The following XPO6 variants were observed in gnomAD, a reference collection of about 807,000 sequenced individuals.
XPO6 encodes exportin-6.
Under a neutral mutation model 130.0 loss-of-function variants are expected in XPO6, and 3 were observed. That is an observed-to-expected ratio of 0.02 (90% CI 0.01 to 0.06). The LOEUF is 0.06. Among genes scored for constraint, XPO6 ranks in the 10% least tolerant of loss-of-function variants. The pLI is 1.00. For synonymous variants in XPO6, 524 were observed against 548.9 expected, an observed-to-expected ratio of 0.95 and a Z score of 0.63; for missense variants, 970 against 1,393.0, an observed-to-expected ratio of 0.70 and a Z score of 4.83.
At chr16:28,102,309 T>TC (rs1281096026) in intron 21 of XPO6, among the ~76,000 whole-genome samples, 15 of 152,094 alleles carry the variant, frequency 9.9e-5, no homozygotes, top group Non-Finnish European at 1.8e-4. Flanking sequence ...TCCCTTGCCC[T>TC]CCTTCTTGCA....
At chr16:28,102,607 G>A (rs1273171144) in intron 21 of XPO6, among the ~76,000 whole-genome samples, 2 of 152,006 alleles carry the variant, frequency 1.3e-5, no homozygotes, top group East Asian at 1.9e-4. Context: ...GCGTGGTGGC[G>A]GACGCCTGTA....
At chr16:28,129,245 A>T (rs1476440988) in intron 12 of XPO6, among the ~76,000 whole-genome samples, 1 of 152,128 alleles carries the variant, frequency 6.6e-6, no homozygotes, top group Non-Finnish European at 1.5e-5. Context: ...ACCCCAAATC[A>T]AATTCTCTAC....
At chr16:28,199,447 G>C (rs1196753745) in intron 1 of XPO6, among the ~76,000 whole-genome samples, 1 of 151,714 alleles carries the variant, frequency 6.6e-6, no homozygotes, top group African/African-American at 2.4e-5. Flanking sequence ...GCTAATTTTT[G>C]TATTTTTTTA....
chr16:28,159,309 C>T (rs945797719), intron 6 of XPO6, among the ~76,000 whole-genome samples: 1 of 151,894 alleles, frequency 6.6e-6, no homozygotes, highest in Non-Finnish European at 1.5e-5. Context: ...GACTCTACAA[C>T]ATGAAAGGGT....
chr16:28,102,178 A>G (rs973054517), intron 21 of XPO6, among the ~76,000 whole-genome samples: 4 of 151,982 alleles, frequency 2.6e-5, no homozygotes, highest in Admixed American at 2.0e-4. Flanking sequence ...ACCTCTAGAA[A>G]CCCATCACAG....
intron 1 of XPO6, among the ~76,000 whole-genome samples, chr16:28,211,161 C>A (rs900928769): frequency 5.3e-5 from 8 of 152,202 alleles, no homozygotes; most frequent in Admixed American, 5.2e-4. Flanking sequence ...GCTCCCAGGG[C>A]CCTCCCAGGC....
rs1424668489 is a variant in XPO6 at position 28,098,373 on chromosome 16, T to A, written c.*165A>T. 1.6e-6 allele frequency: 1 copy of A among 615,302 alleles called. No homozygotes were observed. Among genetic ancestry groups the A allele is most frequent in the African/African-American group, 1.8e-5 (1 of 54,316 alleles). 38.1% of individuals were successfully genotyped at this position (615,302 alleles called of 1,614,324 possible). A position where few individuals can be genotyped will look rare whatever the true frequency, so the allele number is the denominator to read the frequency against. On this transcript the variant is annotated 3_prime_UTR_variant, in exon 24 of 24. Transcript: ENST00000304658. Reference sequence around the variant, plus strand: ...AGGTGGACCCAGAAGCCAGCTCTGCTGGGCAGCGGCAAGATGTGGAGGAGC... The same window carrying A: ...AGGTGGACCCAGAAGCCAGCTCTGCAGGGCAGCGGCAAGATGTGGAGGAGC...
At chr16:28,205,946 G>A (rs1194336264) in intron 1 of XPO6, among the ~76,000 whole-genome samples, 3 of 150,226 alleles carry the variant, frequency 2.0e-5, no homozygotes, top group South Asian at 4.2e-4. Context: ...GCTGAGGCAG[G>A]AGAATCGCTT....
intron 6 of XPO6, among the ~76,000 whole-genome samples, chr16:28,160,686 C>CT (rs1180500744): frequency 6.6e-6 from 1 of 151,892 alleles, no homozygotes; most frequent in African/African-American, 2.4e-5. Context: ...TTATTTTGTA[C>CT]TTTACAGCAC....
intron 6 of XPO6, among the ~76,000 whole-genome samples, chr16:28,157,718 T>G (rs191871122): frequency 6.6e-6 from 1 of 152,216 alleles, no homozygotes; most frequent in East Asian, 1.9e-4. Context: ...TCATTAGTAA[T>G]CAGAAAAAGC....
At chr16:28,103,997 T>G (rs1038528901) in intron 21 of XPO6, among the ~76,000 whole-genome samples, 1 of 152,220 alleles carries the variant, frequency 6.6e-6, no homozygotes, top group Non-Finnish European at 1.5e-5. Flanking sequence ...CAGAGCAGGC[T>G]GGCTGTCTGG....
intron 12 of XPO6, among the ~76,000 whole-genome samples, chr16:28,129,746 G>A (rs1302117044): frequency 6.6e-6 from 1 of 152,168 alleles, no homozygotes; most frequent in Admixed American, 6.5e-5. Context: ...AACAATTTAA[G>A]TCTAAAAATC....
intron 2 of XPO6, among the ~76,000 whole-genome samples, chr16:28,180,154 G>A (rs1201796514): frequency 6.6e-6 from 1 of 152,068 alleles, no homozygotes; most frequent in Admixed American, 6.6e-5. Context: ...ATCTCTTGAG[G>A]TCAGTTCAAG....
chr16:28,185,352 C>T (rs1353849312), intron 1 of XPO6, among the ~76,000 whole-genome samples: 1 of 151,926 alleles, frequency 6.6e-6, no homozygotes, highest in Admixed American at 6.6e-5. Flanking sequence ...AGAGCAAGAC[C>T]TTGCCTCTTA....
At position 28,135,273 on chromosome 16, in the gene XPO6, C is replaced by A. The variant is rs1253436155; in HGVS notation, c.1386G>T (p.Gln462His). ...CCAGCTGGGCTTGGTTGTATCTGAA[C>A]TGGATTCGATTCAACACCTCTGTGA... The part of the protein sequence containing the change: ...LLLTEVLNRI[Q>H]FRYNQAQLEE... Residue 462 changes from glutamine to histidine, a missense_variant, in exon 10 of 24, where the codon CAG becomes CAT. Gln to His is a conservative substitution (Grantham distance 24, BLOSUM62 0). Around this residue, in one of 4 missense-constraint regions of XPO6, gnomAD observed 936 missense variants for 1,306.8 expected, o/e 0.72. Transcript: ENST00000304658. 1.2e-6 allele frequency: 2 copies of A among 1,613,984 alleles called. No individual in the cohort carries two copies. The highest frequency in any genetic ancestry group is 2.2e-5 in the East Asian group (1 of 44,892).
At chr16:28,155,816 G>C (rs2043175095) in intron 7 of XPO6, 6 of 816,114 alleles carry the variant, frequency 7.4e-6, no homozygotes, top group Non-Finnish European at 8.4e-6. Context: ...GAGTAGAAGG[G>C]AGGACAGGAG....
intron 1 of XPO6, among the ~76,000 whole-genome samples, chr16:28,200,124 C>T (rs1301664598): frequency 6.6e-6 from 1 of 151,400 alleles, no homozygotes. Context: ...CACTACACCC[C>T]AGCCTGGGCG....
At chr16:28,146,999 A>T (rs1449858645) in intron 8 of XPO6, among the ~76,000 whole-genome samples, 1 of 152,200 alleles carries the variant, frequency 6.6e-6, no homozygotes, top group African/African-American at 2.4e-5. Flanking sequence ...TGTGGCTCCA[A>T]ACCCTGATAT....
intron 6 of XPO6, among the ~76,000 whole-genome samples, chr16:28,157,084 A>G (rs2043195636): frequency 6.6e-6 from 1 of 152,214 alleles, no homozygotes; most frequent in South Asian, 2.1e-4. Context: ...TTTGAAATAT[A>G]AGAGAGAAAA....
Sources: allele counts gnomAD v4.1 joint callset (sites outside exome capture counted in the v4.1 genomes callset), GRCh38; gene constraint gnomAD v4.1.1; regional missense constraint gnomAD v4.1.1; transcripts MANE v1.5; gene names NCBI Gene and HGNC (gene_info 2026-07-23, HGNC 2026-07-21).